Variants in FHIT observed in about 807,000 individuals in gnomAD.
The protein encoded by FHIT is fragile histidine triad diadenosine triphosphatase, also known as bis(5'-adenosyl)-triphosphatase.
FHIT carries 19 observed loss-of-function variants against 17.9 expected under a neutral mutation model. The observed-to-expected ratio is 1.06, with a 90% CI of 0.74 to 1.56. The LOEUF is 1.56. FHIT is among the 40% of genes most tolerant of loss of function. FHIT has a pLI of 0.00. For missense variants in FHIT, 248 were observed against 189.2 expected, an observed-to-expected ratio of 1.31 and a Z score of -1.82; for synonymous variants, 81 against 69.7, an observed-to-expected ratio of 1.16 and a Z score of -0.81.
At chr3:60,147,608 T>G (rs989063263) in intron 5 of FHIT, among the ~76,000 whole-genome samples, 5 of 152,180 alleles carry the variant, frequency 3.3e-5, no homozygotes, top group Non-Finnish European at 7.3e-5. Flanking sequence ...TTGAATCCTA[T>G]TTGTTTATAC....
chr3:60,636,118 G>A (rs2039577905), intron 4 of FHIT, among the ~76,000 whole-genome samples: 1 of 151,696 alleles, frequency 6.6e-6, no homozygotes, highest in African/African-American at 2.4e-5. Flanking sequence ...AGACTGGAGT[G>A]CAGTGGCGCC....
intron 4 of FHIT, among the ~76,000 whole-genome samples, chr3:60,796,885 A>G (rs1700999863): frequency 6.6e-6 from 1 of 152,194 alleles, no homozygotes; most frequent in Non-Finnish European, 1.5e-5. Context: ...TAAGGTTTTG[A>G]TAAAACTGAT....
At chr3:60,998,005 C>T (rs1469204270) in intron 3 of FHIT, among the ~76,000 whole-genome samples, 1 of 152,186 alleles carries the variant, frequency 6.6e-6, no homozygotes, top group African/African-American at 2.4e-5. Context: ...AATTAAATCT[C>T]ATGTGACCTC....
intron 5 of FHIT, among the ~76,000 whole-genome samples, chr3:60,280,243 CA>C: frequency 6.6e-6 from 1 of 152,032 alleles, no homozygotes; most frequent in African/African-American, 2.4e-5. Flanking sequence ...AAAAAATCTA[CA>C]AAAAAACCTA....
intron 3 of FHIT, among the ~76,000 whole-genome samples, chr3:60,962,935 T>G (rs1355892441): frequency 6.6e-6 from 1 of 152,242 alleles, no homozygotes; most frequent in Non-Finnish European, 1.5e-5. Flanking sequence ...AGGACAATGC[T>G]GGCCGCATAA....
intron 5 of FHIT, among the ~76,000 whole-genome samples, chr3:60,481,190 T>C (rs2033592535): frequency 6.6e-6 from 1 of 152,090 alleles, no homozygotes; most frequent in Admixed American, 6.6e-5. Flanking sequence ...AGACTGAATC[T>C]ACAACTGATT....
chr3:60,477,126 G>T (rs924232518), intron 5 of FHIT, among the ~76,000 whole-genome samples: 3 of 151,754 alleles, frequency 2.0e-5, no homozygotes, highest in African/African-American at 7.3e-5. Flanking sequence ...AATAAGCAAT[G>T]AATTAAAAGC....
At chr3:60,778,551 T>C (rs1287602876) in intron 4 of FHIT, among the ~76,000 whole-genome samples, 3 of 152,242 alleles carry the variant, frequency 2.0e-5, no homozygotes, top group Non-Finnish European at 4.4e-5. Flanking sequence ...GTTTCATTTT[T>C]CAGAGTCAAG....
intron 8 of FHIT, among the ~76,000 whole-genome samples, chr3:59,825,319 A>G (rs1428203687): frequency 6.6e-6 from 1 of 151,950 alleles, no homozygotes; most frequent in Non-Finnish European, 1.5e-5. Context: ...TTTTTTATGG[A>G]TGTTTCTTTT....
intron 5 of FHIT, among the ~76,000 whole-genome samples, chr3:60,322,729 A>G (rs1042436676): frequency 5.9e-5 from 9 of 152,186 alleles, no homozygotes; most frequent in African/African-American, 2.2e-4. Flanking sequence ...TAGTCACAAC[A>G]CTGTAATCTG....
intron 4 of FHIT, among the ~76,000 whole-genome samples, chr3:60,587,586 A>G (rs753995689): frequency 1.8e-4 from 28 of 152,074 alleles, no homozygotes; most frequent in Non-Finnish European, 3.4e-4. Flanking sequence ...AAAGGAATTT[A>G]GAGAAATGTC....
intron 4 of FHIT, among the ~76,000 whole-genome samples, chr3:60,538,914 T>A (rs1188768029): frequency 6.6e-6 from 1 of 151,920 alleles, no homozygotes; most frequent in African/African-American, 2.4e-5. Flanking sequence ...CCAAAAGCAA[T>A]GGCAACAAAA....
In FHIT at chr3:59,891,076, A is replaced by T. The variant is rs79709739; in HGVS notation, c.348+31270T>A. On this transcript the variant is annotated intron_variant, in intron 8 of 9. Coordinates refer to ENST00000492590, the MANE Select transcript of FHIT (RefSeq NM_002012.4). Reference sequence around the variant, plus strand: ...CAGAATAAGGGTTATGTACTCCTCAAGGGTAGGTTCCCAAATTGGTGGGAT... The same window carrying T: ...CAGAATAAGGGTTATGTACTCCTCATGGGTAGGTTCCCAAATTGGTGGGAT... Among the ~76,000 whole-genome samples the T allele has an allele frequency of 2.3e-3, 354 of 152,322 alleles. 4 individuals carry two copies. Among genetic ancestry groups the T allele is most frequent in the African/African-American group, 8.1e-3 (338 of 41,576 alleles).
intron 5 of FHIT, among the ~76,000 whole-genome samples, chr3:60,064,662 C>A (rs1487612765): frequency 1.3e-5 from 2 of 152,168 alleles, no homozygotes; most frequent in Non-Finnish European, 2.9e-5. Flanking sequence ...CACATACACA[C>A]AACACAAGCA....
intron 5 of FHIT, among the ~76,000 whole-genome samples, chr3:60,324,763 G>A (rs1417901978): frequency 6.6e-6 from 1 of 151,952 alleles, no homozygotes; most frequent in East Asian, 1.9e-4. Context: ...TTAGCTCTTT[G>A]CTTCCTTTAA....
intron 5 of FHIT, among the ~76,000 whole-genome samples, chr3:60,447,471 A>G (rs574657436): frequency 6.6e-6 from 1 of 152,286 alleles, no homozygotes; most frequent in African/African-American, 2.4e-5. Flanking sequence ...ACAACATGAC[A>G]ACTCATTCTT....
chr3:60,402,604 T>C (rs1701705811), intron 5 of FHIT, among the ~76,000 whole-genome samples: 1 of 152,190 alleles, frequency 6.6e-6, no homozygotes, highest in African/African-American at 2.4e-5. Context: ...TGCAACAACA[T>C]GCACCAGATT....
chr3:60,507,025 T>G (rs2034760677), intron 5 of FHIT, among the ~76,000 whole-genome samples: 1 of 152,130 alleles, frequency 6.6e-6, no homozygotes, highest in African/African-American at 2.4e-5. Flanking sequence ...TCTCATAGTC[T>G]AGAGGAAGAA....
chr3:60,957,444 A>T (rs190775321), intron 3 of FHIT, among the ~76,000 whole-genome samples: 4 of 152,000 alleles, frequency 2.6e-5, no homozygotes, highest in South Asian at 2.1e-4. Context: ...TCACCGTGTT[A>T]GCCACGATGG....
Sources: allele counts gnomAD v4.1 joint callset (sites outside exome capture counted in the v4.1 genomes callset), GRCh38; gene constraint gnomAD v4.1.1; transcripts MANE v1.5; gene names NCBI Gene and HGNC (gene_info 2026-07-23, HGNC 2026-07-21).